The following ABCA1 variants were observed in gnomAD, a reference collection of about 807,000 sequenced individuals.
ABCA1 encodes ATP binding cassette subfamily A member 1.
A neutral mutation model predicts 262.5 loss-of-function variants in ABCA1; 133 were observed. The ratio of observed to expected loss-of-function variants is 0.51; its 90% CI spans 0.44 to 0.59. ABCA1 has a LOEUF of 0.59. ABCA1 is among the 20% of genes least tolerant of loss of function. ABCA1 has a pLI of 0.00. For missense variants in ABCA1, 2,452 were observed against 2,777.5 expected (o/e 0.88, Z 2.63); for synonymous variants, 1,022 against 1,043.5 (o/e 0.98, Z 0.40).
chr9:104,806,451 G>A (rs1423512787), intron 30 of ABCA1, 21 bp from the exon 31 acceptor site: 1 of 1,613,754 alleles, frequency 6.2e-7, no homozygotes, highest in East Asian at 2.2e-5. Flanking sequence ...AAGACAGCAA[G>A]AGTAGGATTA....
intron 1 of ABCA1, among the ~76,000 whole-genome samples, chr9:104,913,369 C>G (rs1426895373): frequency 6.6e-6 from 1 of 152,138 alleles, no homozygotes; most frequent in Non-Finnish European, 1.5e-5. Context: ...GGACTCTGAG[C>G]CCCTGTATCT....
chr9:104,804,638 A>T lies in ABCA1; in HGVS notation c.4547T>A (p.Ile1516Asn). 6.2e-7 allele frequency: 1 copy of T among 1,614,194 alleles called. No homozygotes were observed. Among genetic ancestry groups the T allele is most frequent in the Non-Finnish European group, 8.5e-7 (1 of 1,180,002 alleles). The change falls in exon 32 of 50, where the codon ATC (isoleucine) becomes AAC (asparagine). Residue 1516 changes from isoleucine (I) to asparagine (N), a missense_variant. Transcript: ENST00000374736. ...AGTAAAAAGTCACCTTTTGGCTATGATCTGCACATACGTCTTCACCAGATA... is the reference window on the plus strand; with the variant it reads ...AGTAAAAAGTCACCTTTTGGCTATGTTCTGCACATACGTCTTCACCAGATA... The part of the protein sequence containing the change: ...SDYLVKTYVQ[I>N]IAKSLKNKIW...
chr9:104,798,734 A>T, intron 36 of ABCA1, 136 bp from the exon 37 acceptor site: 3 of 778,608 alleles, frequency 3.9e-6, no homozygotes, highest in Non-Finnish European at 6.6e-6. Context: ...AAGGAAAAAC[A>T]TCTGTTCACC....
chr9:104,788,695 G>T, intron 44 of ABCA1, 128 bp from the exon 45 acceptor site: 1 of 1,216,698 alleles, frequency 8.2e-7, no homozygotes, highest in Non-Finnish European at 1.2e-6. Context: ...GCTGCTACTT[G>T]AAAGCACAGC....
At chr9:104,794,053 T>C (rs1034260573) in intron 40 of ABCA1, among the ~76,000 whole-genome samples, 3 of 152,238 alleles carry the variant, frequency 2.0e-5, no homozygotes, top group African/African-American at 7.2e-5. Context: ...CCTGATCACC[T>C]AATTCTCAAA....
chr9:104,898,482 A>C (rs112341439), intron 2 of ABCA1, among the ~76,000 whole-genome samples: 1 of 151,892 alleles, frequency 6.6e-6, no homozygotes, highest in Non-Finnish European at 1.5e-5. Flanking sequence ...AGGAGGCAAA[A>C]GTTGCAGTGA....
intron 5 of ABCA1, among the ~76,000 whole-genome samples, chr9:104,882,391 G>A (rs954525822): frequency 5.9e-5 from 9 of 152,182 alleles, no homozygotes; most frequent in African/African-American, 2.2e-4. Context: ...ACCAGCCTCT[G>A]TCCCCTTGCC....
Position 104,872,629 on chromosome 9 carries a change from A to G in ABCA1, c.421+10410T>C, listed in dbSNP as rs78431924. On this transcript the variant is annotated intron_variant, in intron 5 of 49. Coordinates refer to ENST00000374736, the MANE Select transcript of ABCA1 (RefSeq NM_005502.4). ...TAATATATGAAAAATGTAAAATGGT[A>G]TCATTATCCGGTGCAACTTAGTCTG... Among the ~76,000 whole-genome samples, 238 of 152,364 alleles carry G rather than the reference A, an allele frequency of 1.6e-3. 4 individuals carry two copies. In the East Asian group the frequency reaches 0.03, roughly 19 times the overall value.
Position 104,799,847 on chromosome 9 carries a change from T to A in ABCA1, c.4915A>T (p.Thr1639Ser). 6.2e-7 allele frequency: 1 copy of A among 1,613,820 alleles called. No homozygotes were observed. Among genetic ancestry groups the A allele is most frequent in the Non-Finnish European group, 8.5e-7 (1 of 1,179,708 alleles). Reference sequence around the variant, plus strand: ...GCCACCTCTGAGAGCTGCTGCTTGGTGAGATTCAGGGGATGATTGAAAGCA... The same window carrying A: ...GCCACCTCTGAGAGCTGCTGCTTGGAGAGATTCAGGGGATGATTGAAAGCA... Reference protein sequence around the residue: ...ITAFNHPLNLTKQQLSEVALM... With the variant: ...ITAFNHPLNLSKQQLSEVALM... The change falls in exon 36 of 50, where the codon ACC becomes TCC. Residue 1639 changes from threonine (T) to serine (S), a missense_variant. Thr to Ser is a moderately conservative substitution (Grantham distance 58). Transcript: ENST00000374736.
At chr9:104,854,689 G>T (rs1280543349) in intron 7 of ABCA1, among the ~76,000 whole-genome samples, 4 of 152,150 alleles carry the variant, frequency 2.6e-5, no homozygotes, top group Non-Finnish European at 5.9e-5. Flanking sequence ...ACCTTGCTGA[G>T]CAGCAAGACA....
In ABCA1 at chr9:104,806,418, G is replaced by A. The variant is rs769646176; in HGVS notation, c.4287C>T (p.Cys1429=). The A allele has an allele frequency of 6.2e-7, 1 of 1,614,096 alleles. No individual in the cohort carries two copies. The highest frequency in any genetic ancestry group is 8.5e-7 in the Non-Finnish European group (1 of 1,180,024). ...MEGNPIPDTP[C]QAGEEEWTTA... is the part of the protein sequence containing the mutation. The stretch of plus-strand genomic sequence containing the variant: ...TGGTCCACTCTTCCTCCCCTGCCTG[G>A]CAGGGCGTGTCTCTGCAAAGGGAAG... The change falls in exon 31 of 50, where the codon TGC becomes TGT. Residue 1429 remains cysteine (C), a synonymous_variant. Transcript: ENST00000374736.
intron 44 of ABCA1, among the ~76,000 whole-genome samples, chr9:104,790,408 TA>T (rs1480429047): frequency 6.6e-6 from 1 of 152,204 alleles, no homozygotes; most frequent in Non-Finnish European, 1.5e-5. Context: ...TACATGTACA[TA>T]GGGGGATTTT....
Position 104,816,214 on chromosome 9 carries a change from G to C in ABCA1, c.3667C>G (p.His1223Asp), listed in dbSNP as rs777026743. Reference sequence around the variant, plus strand: ...TCTGAGAGCCGGTCATCAATCTCATGAAAGAGTTCCACAAAGGCTCCCTCC... The same window carrying C: ...TCTGAGAGCCGGTCATCAATCTCATCAAAGAGTTCCACAAAGGCTCCCTCC... ...AKEGAFVELF[H>D]EIDDRLSDLG... The change falls in exon 25 of 50, where the codon CAT (histidine) becomes GAT (aspartate). Residue 1223 changes from histidine to aspartate, a missense_variant. His to Asp is a moderately conservative substitution (Grantham distance 81). Transcript: ENST00000374736. The C allele has an allele frequency of 2.5e-6, 4 of 1,614,042 alleles. No homozygotes were observed. The highest frequency in any genetic ancestry group is 2.5e-6 in the Non-Finnish European group (3 of 1,180,026).
At chr9:104,858,744 A>G in intron 6 of ABCA1, 46 bp from the exon 7 acceptor site, 6 of 1,603,956 alleles carry the variant, frequency 3.7e-6, no homozygotes, top group Non-Finnish European at 5.1e-6. Flanking sequence ...GAGGATTATG[A>G]AGATTGGAAG....
intron 37 of ABCA1, 44 bp downstream of exon 37, chr9:104,798,377 G>C: frequency 1.9e-6 from 3 of 1,600,094 alleles, no homozygotes; most frequent in African/African-American, 1.3e-5. Context: ...TCAATCCATG[G>C]CCCTGACAGA....
At chr9:104,826,013 T>C (rs1832782812) in intron 16 of ABCA1, 126 bp from the exon 17 acceptor site, 2 of 949,742 alleles carry the variant, frequency 2.1e-6, no homozygotes, top group South Asian at 2.8e-5. Flanking sequence ...GGTGCAGAAG[T>C]AGTATTTACC....
chr9:104,799,728 G>C lies in ABCA1; in HGVS notation c.4943+91C>G. The stretch of plus-strand genomic sequence containing the variant: ...TCATAATATAACGGTCTCTGCAGCT[G>C]TTCCCCTACAATGAGATTCACATTT... On this transcript the variant is annotated intron_variant, in intron 36 of 49. Transcript: ENST00000374736. The C allele has an allele frequency of 1.9e-6, 3 of 1,612,126 alleles. No homozygotes were observed. In the South Asian group the frequency reaches 3.3e-5, roughly 18 times the overall value.
At chr9:104,856,183 C>T in intron 7 of ABCA1, 7 of 1,434,560 alleles carry the variant, frequency 4.9e-6, no homozygotes, top group Non-Finnish European at 6.4e-6. Context: ...CAATTAAGGC[C>T]CTGCTTAATT....
In ABCA1 at chr9:104,810,881, C is replaced by A; in HGVS notation, c.4094G>T (p.Ser1365Ile). 1 of 1,614,216 alleles carries A rather than the reference C, an allele frequency of 6.2e-7. No individual in the cohort carries two copies. Among genetic ancestry groups the A allele is most frequent in the Non-Finnish European group, 8.5e-7 (1 of 1,180,046 alleles). Residue 1365 changes from serine to isoleucine, a missense_variant, in exon 29 of 50, where the codon AGC becomes ATC. Ser to Ile is a moderately radical substitution (Grantham distance 142). Coordinates refer to ENST00000374736, the MANE Select transcript of ABCA1 (RefSeq NM_005502.4). ...AVFVCIALVF[S>I]LIVPPFGKYP... is the part of the protein sequence containing the mutation. ...CTTGCCAAAGGGTGGCACGATCAGGCTGAACACAAGGGCAATGCAGACAAA... is the reference window on the plus strand; with the variant it reads ...CTTGCCAAAGGGTGGCACGATCAGGATGAACACAAGGGCAATGCAGACAAA...
Sources: allele counts gnomAD v4.1 joint callset (sites outside exome capture counted in the v4.1 genomes callset), GRCh38; gene constraint gnomAD v4.1.1; transcripts MANE v1.5; gene names NCBI Gene and HGNC (gene_info 2026-07-23, HGNC 2026-07-21).